LARGE1: variants seen among roughly 807,000 people sequenced by gnomAD.
LARGE1 encodes the protein LARGE xylosyl- and glucuronyltransferase 1.
A neutral mutation model predicts 87.6 loss-of-function variants in LARGE1; 43 were observed. The observed-to-expected ratio is 0.49, with a 90% CI of 0.38 to 0.63. The LOEUF (loss-of-function observed/expected upper bound fraction) is 0.63. Ranked by LOEUF, LARGE1 falls within the 30% of genes least tolerant of loss-of-function variation. LARGE1 has a pLI of 0.00. For synonymous variants in LARGE1, 434 were observed against 394.6 expected, an observed-to-expected ratio of 1.10 and a Z score of -1.18; for missense variants, 802 against 1,000.2, an observed-to-expected ratio of 0.80 and a Z score of 2.67.
chr22:33,639,786 G>T (rs527798381), intron 3 of LARGE1, among the ~76,000 whole-genome samples: 3 of 152,190 alleles, frequency 2.0e-5, no homozygotes, highest in Non-Finnish European at 4.4e-5. Flanking sequence ...GAAGATCAAA[G>T]GGGATCGTTC....
At chr22:33,708,251 G>A (rs538962336) in intron 2 of LARGE1, among the ~76,000 whole-genome samples, 1 of 151,646 alleles carries the variant, frequency 6.6e-6, no homozygotes, top group African/African-American at 2.4e-5. Context: ...CTATTGGAGG[G>A]AGGGAGGGAG....
chr22:33,573,691 A>G (rs1280079924), intron 5 of LARGE1, among the ~76,000 whole-genome samples: 1 of 152,190 alleles, frequency 6.6e-6, no homozygotes, highest in Non-Finnish European at 1.5e-5. Context: ...CAGCAGCTTA[A>G]AACAGCACCA....
At chr22:33,181,141 AG>A (rs1490861619) in intron 11 of LARGE1, among the ~76,000 whole-genome samples, 1 of 152,234 alleles carries the variant, frequency 6.6e-6, no homozygotes, top group Non-Finnish European at 1.5e-5. Context: ...ACAGGAAAGA[AG>A]GGGAAGTTTT....
intron 1 of LARGE1, among the ~76,000 whole-genome samples, chr22:33,834,662 T>C (rs2063064562): frequency 6.6e-6 from 1 of 152,240 alleles, no homozygotes; most frequent in South Asian, 2.1e-4. Flanking sequence ...TTTGGTGGTC[T>C]CTTCACACGG....
chr22:33,673,878 T>G (rs564500784), intron 2 of LARGE1, among the ~76,000 whole-genome samples: 181 of 67,470 alleles, frequency 2.7e-3, no homozygotes, highest in African/African-American at 7.8e-3. Context: ...TTTTAGTAGA[T>G]ACGGGGTTTC....
chr22:33,683,480 T>A (rs1438398543), intron 2 of LARGE1, among the ~76,000 whole-genome samples: 1 of 152,184 alleles, frequency 6.6e-6, no homozygotes, highest in African/African-American at 2.4e-5. Context: ...CATAATTGAA[T>A]GAGCCAATTC....
chr22:33,832,552 A>AAT (rs2063001161), intron 1 of LARGE1, among the ~76,000 whole-genome samples: 1 of 152,194 alleles, frequency 6.6e-6, no homozygotes, highest in African/African-American at 2.4e-5. Context: ...TGGACCCTCC[A>AAT]ATACAGGCCT....
the LARGE1 span, among the ~76,000 whole-genome samples, chr22:33,156,505 T>C: frequency 6.6e-6 from 1 of 152,230 alleles, no homozygotes; most frequent in Non-Finnish European, 1.5e-5. Context: ...GGTGCCTGTA[T>C]CACCTTTGTT....
At chr22:33,100,682 T>C in the LARGE1 span, among the ~76,000 whole-genome samples, 1 of 152,186 alleles carries the variant, frequency 6.6e-6, no homozygotes, top group Non-Finnish European at 1.5e-5. Flanking sequence ...ATTCATTAGG[T>C]GCAGATTCAT....
chr22:33,625,624 T>TC (rs2079897006), intron 4 of LARGE1, among the ~76,000 whole-genome samples: 1 of 152,214 alleles, frequency 6.6e-6, no homozygotes, highest in African/African-American at 2.4e-5. Context: ...ACATTTATTT[T>TC]CCCACTGTCT....
chr22:33,388,237 T>G (rs1023544945), intron 7 of LARGE1, among the ~76,000 whole-genome samples: 10 of 152,228 alleles, frequency 6.6e-5, no homozygotes, highest in Non-Finnish European at 1.5e-4. Flanking sequence ...TTGTTTACTA[T>G]GTTTTTGCCA....
intron 1 of LARGE1, among the ~76,000 whole-genome samples, chr22:33,892,332 T>C (rs2041842604): frequency 6.6e-6 from 1 of 151,926 alleles, no homozygotes. Context: ...ACTCTTCTTC[T>C]GACCAGCAGC....
At chr22:33,742,340 T>C (rs2083915187) in intron 2 of LARGE1, among the ~76,000 whole-genome samples, 1 of 152,226 alleles carries the variant, frequency 6.6e-6, no homozygotes, top group South Asian at 2.1e-4. Flanking sequence ...CAAGCATCAG[T>C]GACTACTCTT....
rs527982113 is a variant in LARGE1 at position 33,541,110 on chromosome 22, A to G, written c.787+23738T>C. Among the ~76,000 whole-genome samples, 418 of 119,800 alleles carry G rather than the reference A, an allele frequency of 3.5e-3. 3 individuals carry two copies. Among genetic ancestry groups the G allele is most frequent in the Middle Eastern group, 0.024 (5 of 206 alleles). 78.6% of individuals were successfully genotyped at this position (119,800 alleles called of 152,430 possible). ...GGGGAGAATCACCCAAGCCCAAGAGATTGAGGCTGTAGTGAGCCGTGATTG... is the reference window on the plus strand; with the variant it reads ...GGGGAGAATCACCCAAGCCCAAGAGGTTGAGGCTGTAGTGAGCCGTGATTG... On this transcript the variant is annotated intron_variant, in intron 6 of 14. Transcript: ENST00000397394.
At chr22:33,485,866 A>G (rs2069550890) in intron 6 of LARGE1, among the ~76,000 whole-genome samples, 1 of 152,236 alleles carries the variant, frequency 6.6e-6, no homozygotes, top group East Asian at 1.9e-4. Context: ...CTATATATAC[A>G]TTTATGTATT....
intron 7 of LARGE1, among the ~76,000 whole-genome samples, chr22:33,414,741 T>TG (rs1165473381): frequency 2.0e-5 from 3 of 152,240 alleles, no homozygotes; most frequent in African/African-American, 7.2e-5. Flanking sequence ...ATTGGGGAGT[T>TG]GGAGTCTTTG....
chr22:33,397,392 G>C (rs1443533995), intron 7 of LARGE1, among the ~76,000 whole-genome samples: 2 of 152,214 alleles, frequency 1.3e-5, no homozygotes, highest in African/African-American at 4.8e-5. Flanking sequence ...TGGGATTACA[G>C]GCATGAGCCA....
intron 1 of LARGE1, among the ~76,000 whole-genome samples, chr22:33,777,084 C>T (rs1030891560): frequency 6.6e-6 from 1 of 152,060 alleles, no homozygotes; most frequent in Non-Finnish European, 1.5e-5. Flanking sequence ...TGAGCTGAGC[C>T]AGAAGATGGC....
intron 1 of LARGE1, among the ~76,000 whole-genome samples, chr22:33,785,113 ATG>A (rs2085577324): frequency 1.6e-5 from 1 of 60,796 alleles, no homozygotes; most frequent in African/African-American, 8.9e-5. Context: ...ATACATACAT[ATG>A]TGTATATGCA....
Sources: gnomAD v4.1 joint callset for allele counts (sites outside exome capture counted in the v4.1 genomes callset) on GRCh38, gnomAD v4.1.1 for gene constraint, MANE v1.5 for transcripts, NCBI Gene and HGNC (gene_info 2026-07-23, HGNC 2026-07-21) for gene names.